Variants in OTOGL observed in about 807,000 individuals in gnomAD.
The protein encoded by OTOGL is otogelin-like protein.
A neutral mutation model predicts 318.5 loss-of-function variants in OTOGL; 285 were observed. The ratio of observed to expected loss-of-function variants is 0.89; its 90% CI spans 0.81 to 0.99. OTOGL has a LOEUF of 0.99. Among genes scored for constraint, OTOGL ranks in the 50% least tolerant of loss-of-function variants. OTOGL has a pLI of 0.00. For missense variants in OTOGL, 2,899 were observed against 2,845.6 expected, an observed-to-expected ratio of 1.02 and a Z score of -0.43; for synonymous variants, 987 against 936.5, an observed-to-expected ratio of 1.05 and a Z score of -0.99.
Position 80,239,348 on chromosome 12 carries a change from T to C in OTOGL, c.961T>C (p.Cys321Arg). The change falls in exon 11 of 59, where the codon TGT becomes CGT. Residue 321 changes from cysteine (C) to arginine (R), a missense_variant. Cys to Arg is a radical substitution (Grantham distance 180, BLOSUM62 -3). This residue lies in a region of OTOGL where 2,607 missense variants were observed against 2,524.9 expected (regional missense o/e 1.03). Coordinates refer to ENST00000547103, the MANE Select transcript of OTOGL (RefSeq NM_001378609.3). ...TTTTGCACAGGCAATCTTCTTCAAG[T>C]GTCAGATACTGTTGCAGTTTCCTTT... The part of the protein sequence containing the change: ...MPAFEAIFFK[C>R]QILLQFPFLS... 1 of 1,606,012 alleles carries C rather than the reference T, an allele frequency of 6.2e-7. No individual in the cohort carries two copies. The highest frequency in any genetic ancestry group is 8.5e-7 in the Non-Finnish European group (1 of 1,175,950).
intron 1 of OTOGL, among the ~76,000 whole-genome samples, chr12:80,136,131 C>A (rs1871554120): frequency 6.6e-6 from 1 of 152,176 alleles, no homozygotes; most frequent in South Asian, 2.1e-4. Flanking sequence ...CTCATTCTCA[C>A]AGTTTCTGGA....
chr12:80,323,632 G>A, intron 34 of OTOGL, 91 bp from the exon 35 acceptor site: 1 of 980,782 alleles, frequency 1.0e-6, no homozygotes, highest in Non-Finnish European at 1.6e-6. Context: ...CTGAGTGACA[G>A]AGCGAGACTG....
chr12:80,358,588 T>C, intron 50 of OTOGL, 83 bp from the exon 51 acceptor site: 1 of 1,091,948 alleles, frequency 9.2e-7, no homozygotes, highest in Non-Finnish European at 1.3e-6. Flanking sequence ...TGCATTATTG[T>C]AATGGCAGTG....
intron 22 of OTOGL, among the ~76,000 whole-genome samples, chr12:80,269,686 T>G (rs991097958): frequency 2.0e-5 from 3 of 152,188 alleles, no homozygotes; most frequent in African/African-American, 7.2e-5. Context: ...AGACTTTACT[T>G]CCTTTGATTC....
At chr12:80,103,237 G>T in intron 1 of OTOGL, 5 of 1,459,440 alleles carry the variant, frequency 3.4e-6, no homozygotes, top group Non-Finnish European at 4.8e-6. Flanking sequence ...TTGGAAAGAA[G>T]GGAAGACATA....
intron 44 of OTOGL, among the ~76,000 whole-genome samples, chr12:80,348,615 C>T (rs1213188717): frequency 1.3e-5 from 2 of 152,156 alleles, no homozygotes; most frequent in South Asian, 2.1e-4. Flanking sequence ...TGTGATTTCT[C>T]TACCTAAAAT....
Position 80,302,747 on chromosome 12 carries a change from G to A in OTOGL, c.3177G>A (p.Lys1059=), listed in dbSNP as rs769397259. Residue 1059 remains lysine (K), a synonymous_variant, in exon 28 of 59, where the codon AAG becomes AAA. Coordinates refer to ENST00000547103, the MANE Select transcript of OTOGL (RefSeq NM_001378609.3). ...EKDITILWDR[K]TTIHIKVGPQ... is the part of the protein sequence containing the mutation. ...ATATCACTATTCTTTGGGATAGGAA[G>A]ACAACTATTCATATCAAAGTTGGGC... The A allele has an allele frequency of 9.1e-6, 14 of 1,540,942 alleles. No homozygotes were observed. In the South Asian group the frequency reaches 1.7e-4, roughly 19 times the overall value.
intron 1 of OTOGL, among the ~76,000 whole-genome samples, chr12:80,124,321 G>C (rs1431390938): frequency 4.6e-5 from 7 of 152,036 alleles, no homozygotes; most frequent in South Asian, 2.1e-4. Context: ...TTGTTTTTGT[G>C]AGGTTTGTCG....
Position 80,302,744 on chromosome 12 carries a change from G to C in OTOGL, c.3174G>C (p.Arg1058Ser), listed in dbSNP as rs747811034. 5.2e-6 allele frequency: 8 copies of C among 1,541,174 alleles called. No individual in the cohort carries two copies. Among genetic ancestry groups the C allele is most frequent in the Non-Finnish European group, 7.0e-6 (8 of 1,148,892 alleles). The change falls in exon 28 of 59, where the codon AGG becomes AGC. Residue 1058 changes from arginine (R) to serine (S), a missense_variant. Transcript: ENST00000547103. ...PEKDITILWD[R>S]KTTIHIKVGP... ...AAGATATCACTATTCTTTGGGATAGGAAGACAACTATTCATATCAAAGTTG... is the reference window on the plus strand; with the variant it reads ...AAGATATCACTATTCTTTGGGATAGCAAGACAACTATTCATATCAAAGTTG...
At chr12:80,213,978 T>C (rs1457802615) in intron 4 of OTOGL, among the ~76,000 whole-genome samples, 1 of 152,126 alleles carries the variant, frequency 6.6e-6, no homozygotes, top group Non-Finnish European at 1.5e-5. Context: ...CAAGAAAGGG[T>C]AAACGCAGAC....
chr12:80,188,545 A>AAAAAT (rs1292322966), intron 1 of OTOGL, among the ~76,000 whole-genome samples: 39 of 148,948 alleles, frequency 2.6e-4, no homozygotes, highest in African/African-American at 9.3e-4. Context: ...CTCAAAAAAA[A>AAAAAT]AATAATAATA....
chr12:80,161,284 A>G (rs1873500079), intron 1 of OTOGL, among the ~76,000 whole-genome samples: 1 of 152,092 alleles, frequency 6.6e-6, no homozygotes, highest in Admixed American at 6.6e-5. Context: ...AGAAAAAGGG[A>G]AAAATGAGAG....
chr12:80,227,550 T>TG, intron 7 of OTOGL, among the ~76,000 whole-genome samples: 1 of 152,326 alleles, frequency 6.6e-6, no homozygotes, highest in South Asian at 2.1e-4. Flanking sequence ...GGGAGCTTGT[T>TG]GGACTACTGT....
At chr12:80,274,381 C>T (rs1883638716) in intron 24 of OTOGL, among the ~76,000 whole-genome samples, 1 of 152,042 alleles carries the variant, frequency 6.6e-6, no homozygotes, top group Non-Finnish European at 1.5e-5. Context: ...ACATTCACTT[C>T]TGCAAAGGCT....
intron 1 of OTOGL, among the ~76,000 whole-genome samples, chr12:80,101,685 T>A (rs76802957): frequency 0.051 from 7,715 of 152,110 alleles, 268 homozygotes; most frequent in South Asian, 0.14. Context: ...CAGTTTTTTT[T>A]AAAAAAATCC....
rs745494480 is a variant in OTOGL at position 80,270,139 on chromosome 12, G to A, written c.2503G>A (p.Ala835Thr). Residue 835 changes from alanine (A) to threonine (T), a missense_variant, in exon 23 of 59, where the codon GCA becomes ACA. This residue lies in a region of OTOGL where 2,607 missense variants were observed against 2,524.9 expected (regional missense o/e 1.03). Coordinates refer to ENST00000547103, the MANE Select transcript of OTOGL (RefSeq NM_001378609.3). ...SNGTVKCDEL[A>T]TPSAVHICPE... Reference sequence around the variant, plus strand: ...TGGGACTGTGAAATGTGATGAATTAGCAACGCCCTCTGCTGGTAAGATCTT... The same window carrying A: ...TGGGACTGTGAAATGTGATGAATTAACAACGCCCTCTGCTGGTAAGATCTT... The A allele has an allele frequency of 6.2e-7, 1 of 1,604,574 alleles. No individual in the cohort carries two copies. The highest frequency in any genetic ancestry group is 1.1e-5 in the South Asian group (1 of 90,654).
intron 1 of OTOGL, among the ~76,000 whole-genome samples, chr12:80,142,289 C>G (rs144121268): frequency 6.0e-4 from 92 of 152,232 alleles, no homozygotes; most frequent in African/African-American, 2.0e-3. Context: ...AGCTAAATTT[C>G]AAGCACTCAG....
chr12:80,229,756 A>G (rs117479382), intron 8 of OTOGL, among the ~76,000 whole-genome samples: 4,496 of 152,112 alleles, frequency 0.03, 119 homozygotes, highest in Admixed American at 0.047. Context: ...TCTTTGAAGC[A>G]GAAACTTAAA....
intron 44 of OTOGL, among the ~76,000 whole-genome samples, chr12:80,349,046 G>A (rs1889377427): frequency 6.6e-6 from 1 of 152,118 alleles, no homozygotes; most frequent in Admixed American, 6.6e-5. Context: ...TAATAAGTAA[G>A]TAGAGGATAC....
Sources: gnomAD v4.1 joint callset for allele counts (sites outside exome capture counted in the v4.1 genomes callset) on GRCh38, gnomAD v4.1.1 for gene constraint, gnomAD v4.1.1 regional missense constraint, MANE v1.5 for transcripts, NCBI Gene and HGNC (gene_info 2026-07-23, HGNC 2026-07-21) for gene names.